BCAR3: variants seen among roughly 807,000 people sequenced by gnomAD.
BCAR3 encodes breast cancer anti-estrogen resistance protein 3.
In BCAR3, 37 loss-of-function variants were observed where a neutral mutation model predicts 80.1. The ratio of observed to expected loss-of-function variants is 0.46; its 90% CI spans 0.36 to 0.61. The LOEUF (loss-of-function observed/expected upper bound fraction) is 0.61. Ranked by LOEUF, BCAR3 falls within the 20% of genes least tolerant of loss-of-function variation. The pLI, the probability that BCAR3 is intolerant of heterozygous loss-of-function variation, is 0.00. For missense variants in BCAR3, 978 were observed against 1,068.2 expected, an observed-to-expected ratio of 0.92 and a Z score of 1.18; for synonymous variants, 389 against 418.9, an observed-to-expected ratio of 0.93 and a Z score of 0.87.
intron 3 of BCAR3, among the ~76,000 whole-genome samples, chr1:93,695,006 C>T (rs899920771): frequency 5.3e-5 from 8 of 152,214 alleles, no homozygotes; most frequent in Admixed American, 6.5e-5. Flanking sequence ...CCCCTGACAT[C>T]GTCAGGCCAA....
At chr1:93,597,402 T>C (rs1357497212) in intron 3 of BCAR3, among the ~76,000 whole-genome samples, 1 of 152,214 alleles carries the variant, frequency 6.6e-6, no homozygotes, top group Non-Finnish European at 1.5e-5. Flanking sequence ...GCTACATCTT[T>C]CCTATCCCCA....
intron 2 of BCAR3, among the ~76,000 whole-genome samples, chr1:93,710,271 G>C (rs1649974127): frequency 6.6e-6 from 1 of 152,354 alleles, no homozygotes; most frequent in Middle Eastern, 3.4e-3. Context: ...ACCAGTCAGG[G>C]AAGCACAGCT....
At chr1:93,617,948 T>G (rs1489029846) in intron 3 of BCAR3, among the ~76,000 whole-genome samples, 1 of 152,196 alleles carries the variant, frequency 6.6e-6, no homozygotes, top group Non-Finnish European at 1.5e-5. Flanking sequence ...GCACCCACCC[T>G]ATCTCTGCCT....
chr1:93,708,163 G>A (rs988132741), intron 2 of BCAR3, among the ~76,000 whole-genome samples: 2 of 152,144 alleles, frequency 1.3e-5, no homozygotes, highest in East Asian at 3.9e-4. Flanking sequence ...CACTTATATA[G>A]AACCTGAATA....
At chr1:93,702,397 C>T (rs546980642) in intron 3 of BCAR3, among the ~76,000 whole-genome samples, 19 of 152,286 alleles carry the variant, frequency 1.2e-4, no homozygotes, top group African/African-American at 4.6e-4. Flanking sequence ...CCTGACTGTT[C>T]CCCCAACTTA....
chr1:93,674,965 A>C (rs1458778245), intron 1 of BCAR3, 24 bp from the exon 2 acceptor site: 1 of 1,502,722 alleles, frequency 6.7e-7, no homozygotes, highest in Non-Finnish European at 8.9e-7. Context: ...AAAAGAGTGA[A>C]GGTATAAATC....
Position 93,592,161 on chromosome 1 carries a change from G to C in BCAR3, c.486+104C>G. On this transcript the variant is annotated intron_variant, in intron 4 of 11. Transcript: ENST00000260502. This position sits in a 1 kb window ranked among gnomAD's most constrained non-coding sequence, Gnocchi z 4.8. The stretch of plus-strand genomic sequence containing the variant: ...TAGAGTATTTGTTTTTGGTTACACA[G>C]GTGCTTCCGCCCATGTGGCCTCGGA... The C allele has an allele frequency of 6.7e-7, 1 of 1,496,720 alleles. No individual in the cohort carries two copies. Among genetic ancestry groups the C allele is most frequent in the African/African-American group, 1.4e-5 (1 of 71,416 alleles). 92.7% of individuals were successfully genotyped at this position (1,496,720 alleles called of 1,614,324 possible).
chr1:93,705,798 A>G (rs1340394288), intron 3 of BCAR3, among the ~76,000 whole-genome samples: 1 of 152,192 alleles, frequency 6.6e-6, no homozygotes, highest in African/African-American at 2.4e-5. Context: ...AATGTCAGAC[A>G]GAACAATTAT....
chr1:93,766,550 T>C (rs1435230197), intron 2 of BCAR3, among the ~76,000 whole-genome samples: 1 of 152,234 alleles, frequency 6.6e-6, no homozygotes, highest in African/African-American at 2.4e-5. Context: ...TTGCCTGGTT[T>C]GCTGACTGCC....
chr1:93,818,503 C>A (rs746871864), intron 2 of BCAR3, among the ~76,000 whole-genome samples: 46 of 152,194 alleles, frequency 3.0e-4, no homozygotes, highest in Non-Finnish European at 5.3e-4. Flanking sequence ...GCGGAAGTGT[C>A]TGGGTTTGTA....
chr1:93,760,666 T>G (rs2100725715), intron 2 of BCAR3, among the ~76,000 whole-genome samples: 1 of 151,866 alleles, frequency 6.6e-6, no homozygotes, highest in Non-Finnish European at 1.5e-5. Flanking sequence ...TAAGGAAACT[T>G]CTTGCTGCAG....
intron 2 of BCAR3, among the ~76,000 whole-genome samples, chr1:93,739,161 C>G (rs1316280596): frequency 1.3e-5 from 2 of 152,174 alleles, no homozygotes; most frequent in African/African-American, 2.4e-5. Context: ...CTTCCTTTCC[C>G]CAGGGAAATT....
intron 3 of BCAR3, among the ~76,000 whole-genome samples, chr1:93,614,574 T>C (rs920164984): frequency 2.6e-5 from 4 of 152,140 alleles, no homozygotes; most frequent in Non-Finnish European, 5.9e-5. Context: ...TGTTTATTTT[T>C]AATTAAGATG....
At chr1:93,838,826 T>A (rs1441467214) in intron 2 of BCAR3, among the ~76,000 whole-genome samples, 1 of 152,114 alleles carries the variant, frequency 6.6e-6, no homozygotes, top group Non-Finnish European at 1.5e-5. Flanking sequence ...TCTTGAGATA[T>A]AATAAAATGC....
intron 2 of BCAR3, among the ~76,000 whole-genome samples, chr1:93,785,407 A>T (rs1352138483): frequency 1.3e-5 from 2 of 152,258 alleles, no homozygotes; most frequent in African/African-American, 4.8e-5. Flanking sequence ...ACTCAGCTCC[A>T]GCTCACTGCT....
rs1652711193 is a variant in BCAR3 at position 93,779,938 on chromosome 1, GC to G, written c.-63+65628del. Among the ~76,000 whole-genome samples, 3 of 152,178 alleles carry G rather than the reference GC, an allele frequency of 2.0e-5. 1 individual carries two copies. The South Asian group carries it at 6.2e-4, about 32-fold the overall frequency. On this transcript the variant is annotated intron_variant, in intron 2 of 13. Transcript: ENST00000370244. ...ATCCTAGGTGACTCCGGTTCCTGTT[GC>G]CCTTGGCCTCCACCCAAAAGGTAAA...
intron 2 of BCAR3, among the ~76,000 whole-genome samples, chr1:93,719,178 C>T (rs1290312): frequency 2.0e-5 from 3 of 152,104 alleles, no homozygotes; most frequent in Non-Finnish European, 4.4e-5. Flanking sequence ...TCTCCAGGTT[C>T]TCATAGAGCC....
chr1:93,652,874 T>C (rs1676367637), intron 2 of BCAR3, among the ~76,000 whole-genome samples: 1 of 152,254 alleles, frequency 6.6e-6, no homozygotes, highest in Non-Finnish European at 1.5e-5. Flanking sequence ...GTGTCTACTC[T>C]GGTTAAATCA....
rs149006572 is a variant in BCAR3 at position 93,592,840 on chromosome 1, G to A, written c.358-447C>T. Among the ~76,000 whole-genome samples the A allele has an allele frequency of 9.8e-5, 15 of 152,340 alleles. No homozygotes were observed. The East Asian group carries it at 2.9e-3, about 29-fold the overall frequency. On this transcript the variant is annotated intron_variant, in intron 3 of 11. Transcript: ENST00000260502. The surrounding 1 kb of genome is among the most constrained non-coding windows in gnomAD (Gnocchi z 4.8). ...GTGAGGCCCAAAGCACAGTCCTTGGGCTGGTAGCGATGGCCCTAACTTCTT... is the reference window on the plus strand; with the variant it reads ...GTGAGGCCCAAAGCACAGTCCTTGGACTGGTAGCGATGGCCCTAACTTCTT...
Sources: gnomAD v4.1 joint callset for allele counts (sites outside exome capture counted in the v4.1 genomes callset) on GRCh38, gnomAD v4.1.1 for gene constraint, Gnocchi (gnomAD v3.1) non-coding constraint, MANE v1.5 for transcripts, NCBI Gene and HGNC (gene_info 2026-07-23, HGNC 2026-07-21) for gene names.